RYR2: variants seen among roughly 807,000 people sequenced by gnomAD.
The protein encoded by RYR2 is ryanodine receptor 2.
RYR2 carries 227 observed loss-of-function variants against 601.1 expected under a neutral mutation model. That is an observed-to-expected ratio of 0.38 (90% CI 0.34 to 0.42). The LOEUF (loss-of-function observed/expected upper bound fraction) is 0.42, where lower values mean the gene tolerates loss of function less well. RYR2 is among the 10% of genes least tolerant of loss of function. The pLI is 1.00. For missense variants in RYR2, 4,646 were observed against 6,156.5 expected, an observed-to-expected ratio of 0.75 and a Z score of 8.21; for synonymous variants, 2,223 against 2,175.1, an observed-to-expected ratio of 1.02 and a Z score of -0.61.
At chr1:237,163,445 T>A (rs929741992) in intron 1 of RYR2, among the ~76,000 whole-genome samples, 1 of 148,550 alleles carries the variant, frequency 6.7e-6, no homozygotes, top group Non-Finnish European at 1.5e-5. Context: ...GGGTTTGCCC[T>A]TGGCATTACT....
intron 80 of RYR2, among the ~76,000 whole-genome samples, chr1:237,742,607 G>A (rs920817691): frequency 6.6e-6 from 1 of 152,096 alleles, no homozygotes; most frequent in Non-Finnish European, 1.5e-5. Context: ...GAGATGAGAC[G>A]GCTTCAAATT....
At chr1:237,381,620 A>G (rs1459370766) in intron 8 of RYR2, among the ~76,000 whole-genome samples, 2 of 152,218 alleles carry the variant, frequency 1.3e-5, no homozygotes, top group Non-Finnish European at 2.9e-5. Flanking sequence ...TACAACTATT[A>G]CAATGCTAAA....
intron 17 of RYR2, among the ~76,000 whole-genome samples, chr1:237,478,419 A>G (rs1258272236): frequency 6.6e-6 from 1 of 152,218 alleles, no homozygotes; most frequent in African/African-American, 2.4e-5. Context: ...AAATGTGCTT[A>G]TTAAATTAAA....
chr1:237,458,387 C>T (rs1441635617), intron 16 of RYR2, among the ~76,000 whole-genome samples: 3 of 152,140 alleles, frequency 2.0e-5, no homozygotes, highest in African/African-American at 7.2e-5. Flanking sequence ...CAAGATTGCG[C>T]CACTGCACTC....
chr1:237,438,408 G>A (rs777458374), intron 12 of RYR2, among the ~76,000 whole-genome samples: 3 of 152,138 alleles, frequency 2.0e-5, no homozygotes, highest in Non-Finnish European at 4.4e-5. Context: ...ATGATATGTA[G>A]TAGAGGCTCT....
rs185212949 is a variant in RYR2, at chr1:237,569,315, C to T, written c.3594C>T (p.Gly1198=). The change falls in exon 29 of 105, where the codon GGC becomes GGT. Residue 1198 remains glycine, a synonymous_variant. Transcript: ENST00000366574. The part of the protein sequence containing the change: ...SELAFKDFDV[G]DGFIPVCSLG... ...TGGCTTTCAAGGACTTTGATGTTGG[C>T]GATGGTAAGTCTACTATGTTTTGTG... is the stretch of plus-strand genomic sequence containing the variant. 8 of 1,613,148 alleles carry T rather than the reference C, an allele frequency of 5.0e-6. No homozygotes were observed. Among genetic ancestry groups the T allele is most frequent in the East Asian group, 2.2e-5 (1 of 44,816 alleles).
chr1:237,371,398 C>A (rs1700630446), intron 6 of RYR2, among the ~76,000 whole-genome samples: 1 of 152,086 alleles, frequency 6.6e-6, no homozygotes, highest in African/African-American at 2.4e-5. Flanking sequence ...CTGAAACGAT[C>A]CTCTCGCCTT....
intron 1 of RYR2, among the ~76,000 whole-genome samples, chr1:237,099,751 G>A (rs549759337): frequency 4.1e-4 from 63 of 152,276 alleles, no homozygotes; most frequent in African/African-American, 1.4e-3. Context: ...TTGGGGCAGT[G>A]GAAAAAGAAG....
At chr1:237,596,141 A>G (rs544185815) in intron 34 of RYR2, among the ~76,000 whole-genome samples, 1 of 152,318 alleles carries the variant, frequency 6.6e-6, no homozygotes, top group South Asian at 2.1e-4. Flanking sequence ...GAAACACGCG[A>G]ATGGAAGGAA....
At chr1:237,348,464 A>T (rs991677800) in intron 3 of RYR2, among the ~76,000 whole-genome samples, 12 of 152,266 alleles carry the variant, frequency 7.9e-5, no homozygotes, top group African/African-American at 2.9e-4. Context: ...AGGGGTTTTG[A>T]TAATCATTCC....
At chr1:237,305,852 C>A (rs1218707812) in intron 2 of RYR2, among the ~76,000 whole-genome samples, 10 of 152,190 alleles carry the variant, frequency 6.6e-5, no homozygotes, top group Admixed American at 6.5e-4. Flanking sequence ...ATATTGTATT[C>A]TTCAACCTGG....
At chr1:237,497,453 G>T (rs558672424) in intron 20 of RYR2, among the ~76,000 whole-genome samples, 1 of 152,160 alleles carries the variant, frequency 6.6e-6, no homozygotes, top group Non-Finnish European at 1.5e-5. Flanking sequence ...TAAAAGCTTA[G>T]CTCTTGATTA....
chr1:237,166,917 G>A (rs1229644720), intron 1 of RYR2, among the ~76,000 whole-genome samples: 1 of 152,148 alleles, frequency 6.6e-6, no homozygotes, highest in Non-Finnish European at 1.5e-5. Context: ...ATTATACTTG[G>A]CATTAGATTA....
intron 35 of RYR2, among the ~76,000 whole-genome samples, chr1:237,608,835 G>A (rs1677461669): frequency 7.2e-6 from 1 of 138,796 alleles, no homozygotes; most frequent in Non-Finnish European, 1.5e-5. Flanking sequence ...AATTGGACAA[G>A]GAGTTGTAGT....
At chr1:237,089,400 C>A (rs1666708371) in intron 1 of RYR2, among the ~76,000 whole-genome samples, 1 of 152,112 alleles carries the variant, frequency 6.6e-6, no homozygotes. Flanking sequence ...CTTTTGACTA[C>A]ATTTATTATA....
chr1:237,185,527 T>C (rs1679249412), intron 1 of RYR2, among the ~76,000 whole-genome samples: 1 of 151,850 alleles, frequency 6.6e-6, no homozygotes, highest in Admixed American at 6.6e-5. Context: ...TGGCAGCCCT[T>C]GGATTCAAAA....
chr1:237,365,798 C>T (rs1700144520), intron 5 of RYR2, among the ~76,000 whole-genome samples: 1 of 152,144 alleles, frequency 6.6e-6, no homozygotes. Context: ...GAAATGGTCG[C>T]CTGAAACAGA....
chr1:237,427,417 A>G (rs1367464918), intron 12 of RYR2, among the ~76,000 whole-genome samples: 2 of 152,236 alleles, frequency 1.3e-5, no homozygotes. Flanking sequence ...AGCATAAATT[A>G]TGCTGACATT....
chr1:237,161,546 T>C (rs925480826), intron 1 of RYR2, among the ~76,000 whole-genome samples: 3 of 152,192 alleles, frequency 2.0e-5, no homozygotes, highest in African/African-American at 7.2e-5. Flanking sequence ...TTATTAGACA[T>C]CTTTTTCATG....
Sources: gnomAD v4.1 joint callset for allele counts (sites outside exome capture counted in the v4.1 genomes callset) on GRCh38, gnomAD v4.1.1 for gene constraint, MANE v1.5 for transcripts, NCBI Gene and HGNC (gene_info 2026-07-23, HGNC 2026-07-21) for gene names.